The following MMP16 variants were observed in gnomAD, a reference collection of about 807,000 sequenced individuals.
The protein encoded by MMP16 is matrix metallopeptidase 16.
In MMP16, 12 loss-of-function variants were observed where a neutral mutation model predicts 67.8. The observed-to-expected ratio is 0.18, with a 90% CI of 0.11 to 0.29. The LOEUF is 0.29. Ranked by LOEUF, MMP16 falls within the 10% of genes least tolerant of loss-of-function variation. The pLI, the probability that MMP16 is intolerant of heterozygous loss-of-function variation, is 1.00. For missense variants in MMP16, 475 were observed against 765.7 expected (o/e 0.62, Z 4.48); for synonymous variants, 249 against 255.9 (o/e 0.97, Z 0.26).
chr8:88,164,221 G>A (rs367687337), intron 4 of MMP16, among the ~76,000 whole-genome samples: 36 of 152,012 alleles, frequency 2.4e-4, no homozygotes, highest in African/African-American at 8.7e-4. Context: ...AAGCTGTTCT[G>A]TTTCCCAGCT....
At chr8:88,235,988 A>G (rs561889771) in intron 1 of MMP16, among the ~76,000 whole-genome samples, 2 of 152,354 alleles carry the variant, frequency 1.3e-5, no homozygotes, top group African/African-American at 4.8e-5. Context: ...CCAGCACACA[A>G]GCATAGGTGT....
chr8:88,065,003 C>T (rs1808445949), intron 7 of MMP16, among the ~76,000 whole-genome samples: 1 of 152,118 alleles, frequency 6.6e-6, no homozygotes, highest in African/African-American at 2.4e-5. Flanking sequence ...CACTCTTCTT[C>T]AGCAGCCTCC....
chr8:88,051,123 G>T (rs1338435087), intron 8 of MMP16, among the ~76,000 whole-genome samples: 1 of 152,114 alleles, frequency 6.6e-6, no homozygotes, highest in Non-Finnish European at 1.5e-5. Context: ...AAACTAGAAT[G>T]CAATTAGAAT....
At chr8:88,324,331 C>A (rs989495341) in intron 1 of MMP16, among the ~76,000 whole-genome samples, 2 of 152,062 alleles carry the variant, frequency 1.3e-5, no homozygotes, top group Non-Finnish European at 2.9e-5. Flanking sequence ...AAAAATCAGA[C>A]AGGAAAGAGT....
intron 4 of MMP16, among the ~76,000 whole-genome samples, chr8:88,130,717 A>G (rs1808013846): frequency 6.6e-6 from 1 of 151,530 alleles, no homozygotes; most frequent in Admixed American, 6.6e-5. Flanking sequence ...TCTAGGATAC[A>G]TGACTTGGAT....
chr8:88,144,944 G>T (rs540943513), intron 4 of MMP16, among the ~76,000 whole-genome samples: 1 of 152,066 alleles, frequency 6.6e-6, no homozygotes, highest in African/African-American at 2.4e-5. Context: ...CACTGAATAA[G>T]TCAATTCCTG....
intron 6 of MMP16, among the ~76,000 whole-genome samples, chr8:88,094,505 G>T (rs1292920581): frequency 1.3e-5 from 2 of 151,452 alleles, no homozygotes; most frequent in Non-Finnish European, 3.0e-5. Flanking sequence ...GTACACAAAA[G>T]AAACAGTATC....
At chr8:88,324,950 A>C (rs1811514971) in intron 1 of MMP16, among the ~76,000 whole-genome samples, 1 of 152,188 alleles carries the variant, frequency 6.6e-6, no homozygotes, top group Non-Finnish European at 1.5e-5. Flanking sequence ...CTATTTGAGG[A>C]TAACATAAAC....
At chr8:88,270,951 A>G (rs560484425) in intron 1 of MMP16, among the ~76,000 whole-genome samples, 1 of 152,350 alleles carries the variant, frequency 6.6e-6, no homozygotes, top group South Asian at 2.1e-4. Flanking sequence ...GTATATCATG[A>G]GTATACCTTA....
chr8:88,233,255 G>A lies in MMP16; in HGVS notation c.133-35949C>T, dbSNP rs186360750. Among the ~76,000 whole-genome samples the A allele has an allele frequency of 3.7e-4, 56 of 152,088 alleles. 1 individual carries two copies. In the East Asian group the frequency reaches 9.9e-3, roughly 27 times the overall value. On this transcript the variant is annotated intron_variant, in intron 1 of 9. Transcript: ENST00000286614. ...TTTAAAAAAGGCCTTTAAAGTTGCC[G>A]ATCAGATAAATTATTTGCATCTAAG... is the stretch of plus-strand genomic sequence containing the variant.
intron 6 of MMP16, among the ~76,000 whole-genome samples, chr8:88,104,341 A>G (rs1335993323): frequency 2.6e-5 from 4 of 151,624 alleles, no homozygotes; most frequent in East Asian, 2.0e-4. Context: ...TATATTCTTC[A>G]TAATTAATGT....
chr8:88,238,621 G>A (rs1048199691), intron 1 of MMP16, among the ~76,000 whole-genome samples: 5 of 142,860 alleles, frequency 3.5e-5, no homozygotes, highest in African/African-American at 7.9e-5. Flanking sequence ...AGCCGAGACT[G>A]TGCCACTGCA....
chr8:88,102,147 A>G (rs907427672), intron 6 of MMP16, among the ~76,000 whole-genome samples: 4 of 151,944 alleles, frequency 2.6e-5, no homozygotes, highest in East Asian at 3.9e-4. Flanking sequence ...TGTGTGATCA[A>G]TTCTGCAGTG....
At chr8:88,066,683 T>C (rs1236671478) in intron 7 of MMP16, among the ~76,000 whole-genome samples, 2 of 151,964 alleles carry the variant, frequency 1.3e-5, no homozygotes, top group Middle Eastern at 3.2e-3. Context: ...CATTATACAC[T>C]GGCTTCTTTA....
Position 88,041,635 on chromosome 8 carries a change from G to A in MMP16, c.1650C>T (p.Asp550=), listed in dbSNP as rs147103821. The A allele has an allele frequency of 3.1e-6, 5 of 1,613,992 alleles. No homozygotes were observed. Among genetic ancestry groups the A allele is most frequent in the South Asian group, 2.2e-5 (2 of 91,086 alleles). Residue 550 remains aspartate, a synonymous_variant, in exon 10 of 10, where the codon GAC becomes GAT. Transcript: ENST00000286614. The surrounding 1 kb of genome is among the most constrained non-coding windows in gnomAD (Gnocchi z 6.0). The part of the protein sequence containing the change: ...KEGHSPPDDV[D]IVIKLDNTAS... ...CTGTGTTGTCCAGTTTGATGACAAT[G>A]TCTACATCATCTGGTGGGCTGTGTC...
chr8:88,107,933 G>A (rs1424069498), intron 6 of MMP16, among the ~76,000 whole-genome samples: 1 of 151,014 alleles, frequency 6.6e-6, no homozygotes, highest in Non-Finnish European at 1.5e-5. Flanking sequence ...CTCATATGAT[G>A]TCAAATATAA....
intron 4 of MMP16, among the ~76,000 whole-genome samples, chr8:88,150,741 C>A (rs1184823142): frequency 6.7e-6 from 1 of 149,602 alleles, no homozygotes; most frequent in East Asian, 2.0e-4. Flanking sequence ...ACAACCGGTA[C>A]CAGCCGCTGC....
chr8:88,097,891 A>T (rs1563530759), intron 6 of MMP16, among the ~76,000 whole-genome samples: 1 of 151,888 alleles, frequency 6.6e-6, no homozygotes, highest in Non-Finnish European at 1.5e-5. Flanking sequence ...TAATGGAATT[A>T]CCTGGAGTTA....
intron 1 of MMP16, among the ~76,000 whole-genome samples, chr8:88,266,516 G>C (rs1810479067): frequency 6.6e-6 from 1 of 152,072 alleles, no homozygotes; most frequent in South Asian, 2.1e-4. Context: ...AATTAATTAA[G>C]AGCCAGGTCT....
Sources: allele counts gnomAD v4.1 joint callset (sites outside exome capture counted in the v4.1 genomes callset), GRCh38; gene constraint gnomAD v4.1.1; non-coding constraint Gnocchi (gnomAD v3.1); transcripts MANE v1.5; gene names NCBI Gene and HGNC (gene_info 2026-07-23, HGNC 2026-07-21).